Variants in HAS1 observed in about 807,000 individuals in gnomAD.
HAS1 encodes the protein HA synthase 1.
A neutral mutation model predicts 35.0 loss-of-function variants in HAS1; 27 were observed. The ratio of observed to expected loss-of-function variants is 0.77; its 90% CI spans 0.57 to 1.06. The LOEUF is 1.06. Among genes scored for constraint, HAS1 ranks in the 50% least tolerant of loss-of-function variants. The probability of loss-of-function intolerance (pLI) is 0.00; values close to 1 mark genes in which losing one functional copy is unlikely to be tolerated. For missense variants in HAS1, 940 were observed against 814.8 expected (o/e 1.15, Z -1.87); for synonymous variants, 409 against 371.2 (o/e 1.10, Z -1.17).
intron 1 of HAS1, among the ~76,000 whole-genome samples, chr19:51,723,280 C>T (rs2083642889): frequency 6.6e-6 from 1 of 152,192 alleles, no homozygotes; most frequent in African/African-American, 2.4e-5. Context: ...CCTGCAGACA[C>T]ACACCCCTCA....
rs781516429 is a variant in HAS1, at chr19:51,717,142, G to A, written c.751C>T (p.Arg251Trp). The A allele has an allele frequency of 1.2e-5, 19 of 1,613,842 alleles. No individual in the cohort carries two copies. The East Asian group carries it at 1.6e-4, about 13-fold the overall frequency. ...LDPMALLELV[R>W]VLDEDPRVGA... ...ACCCGGGGGTCCTCGTCCAGTACCC[G>A]CACGAGCTCCAGCAGTGCCATGGGG... The change falls in exon 3 of 5, where the codon CGG becomes TGG. Residue 251 changes from arginine to tryptophan, a missense_variant. Coordinates refer to ENST00000540069, the MANE Select transcript of HAS1 (RefSeq NM_001297436.2).
intron 2 of HAS1, 81 bp downstream of exon 2, chr19:51,719,125 T>C (rs1209124008): frequency 3.7e-6 from 3 of 803,978 alleles, no homozygotes; most frequent in Non-Finnish European, 5.9e-6. Flanking sequence ...GTCATTCAAA[T>C]CTGTACATTG....
Position 51,719,446 on chromosome 19 carries a change from G to C in HAS1, c.459C>G (p.Asp153Glu). 1 of 1,552,608 alleles carries C rather than the reference G, an allele frequency of 6.4e-7. No homozygotes were observed. The highest frequency in any genetic ancestry group is 8.7e-7 in the Non-Finnish European group (1 of 1,147,468). Reference sequence around the variant, plus strand: ...CCCACACGTACGTGGCGGGGTCCTCGTCAGCGAAGACCTCGCGGAACATGT... The same window carrying C: ...CCCACACGTACGTGGCGGGGTCCTCCTCAGCGAAGACCTCGCGGAACATGT... ...MVDMFREVFADEDPATYVWDG... is the reference protein window; with the variant it reads ...MVDMFREVFAEEDPATYVWDG... The change falls in exon 2 of 5, where the codon GAC becomes GAG. Residue 153 changes from aspartate to glutamate, a missense_variant. Coordinates refer to ENST00000540069, the MANE Select transcript of HAS1 (RefSeq NM_001297436.2).
rs764850348 is a variant in HAS1, at chr19:51,719,901, G to T, written c.10-6C>A. On this transcript the variant is annotated splice_region_variant and splice_polypyrimidine_tract_variant and intron_variant, in intron 1 of 4. Coordinates refer to ENST00000540069, the MANE Select transcript of HAS1 (RefSeq NM_001297436.2). ...GGAGTGGGCTTGGGCGCGTCCTGCTGGGAGCGAGAGGGGAAAGGAAGGGGC... is the reference window on the plus strand; with the variant it reads ...GGAGTGGGCTTGGGCGCGTCCTGCTTGGAGCGAGAGGGGAAAGGAAGGGGC... 11 of 1,522,786 alleles carry T rather than the reference G, an allele frequency of 7.2e-6. No individual in the cohort carries two copies. In the South Asian group the frequency reaches 1.3e-4, roughly 18 times the overall value. 94.3% of individuals were successfully genotyped at this position (1,522,786 alleles called of 1,614,324 possible).
chr19:51,718,746 A>C (rs969813451), intron 2 of HAS1, among the ~76,000 whole-genome samples: 13 of 152,314 alleles, frequency 8.5e-5, no homozygotes, highest in Non-Finnish European at 1.8e-4. Context: ...CATGTTGGCC[A>C]GGCTAGTCTA....
At chr19:51,716,717 G>A (rs947991549) in intron 3 of HAS1, among the ~76,000 whole-genome samples, 2 of 151,690 alleles carry the variant, frequency 1.3e-5, no homozygotes, top group East Asian at 3.9e-4. Flanking sequence ...TTGACTCCAA[G>A]CCTATCCCAT....
Position 51,713,284 on chromosome 19 carries a change from A to G in HAS1, c.*143T>C, listed in dbSNP as rs74328293. On this transcript the variant is annotated 3_prime_UTR_variant, in exon 5 of 5. Transcript: ENST00000540069. The surrounding 1 kb of genome is among the most constrained non-coding windows in gnomAD (Gnocchi z 4.5). ...CCAGTCCCAATATAGTCCAGACTGA[A>G]GAATCTTGGGCTGACCCCCTCGTTT... 6.2e-3 allele frequency: 4,652 copies of G among 747,306 alleles called. 167 individuals carry two copies. The African/African-American group carries it at 0.076, about 12-fold the overall frequency. 46.3% of individuals were successfully genotyped at this position (747,306 alleles called of 1,614,324 possible).
At chr19:51,722,458 A>G (rs1177611163) in intron 1 of HAS1, among the ~76,000 whole-genome samples, 2 of 152,324 alleles carry the variant, frequency 1.3e-5, no homozygotes, top group Non-Finnish European at 2.9e-5. Flanking sequence ...AGAAAGTAAA[A>G]TAGCTCATTA....
chr19:51,719,500 G>C lies in HAS1; in HGVS notation c.405C>G (p.Gly135=). The C allele has an allele frequency of 6.5e-7, 1 of 1,550,244 alleles. No homozygotes were observed. The highest frequency in any genetic ancestry group is 8.7e-7 in the Non-Finnish European group (1 of 1,146,572). Residue 135 remains glycine, a synonymous_variant, in exon 2 of 5, where the codon GGC becomes GGG. Transcript: ENST00000540069. The part of the protein sequence containing the change: ...ARLRVLMVVD[G]NRAEDLYMVD... ...CCATGTAGAGGTCCTCGGCGCGGTT[G>C]CCATCCACCACCATGAGGACGCGCA...
Position 51,713,863 on chromosome 19 carries a change from ACCCACAGCAGCG to A in HAS1, c.1286_1297del (p.Ala429_Trp432del), listed in dbSNP as rs1240172229. 1.2e-5 allele frequency: 19 copies of A among 1,606,728 alleles called. No homozygotes were observed. The East Asian group carries it at 4.2e-4, about 36-fold the overall frequency. The stretch of plus-strand genomic sequence containing the variant: ...TGCCACGCCCTGCACGCACAGCAGC[ACCCACAGCAGCG>A]CCCAAGGGCGGCCCGCGTAGAACAG... On this transcript the variant is annotated inframe_deletion, in exon 5 of 5. Coordinates refer to ENST00000540069, the MANE Select transcript of HAS1 (RefSeq NM_001297436.2). The surrounding 1 kb of genome is among the most constrained non-coding windows in gnomAD (Gnocchi z 4.5).
chr19:51,716,522 A>C (rs1169449796), intron 3 of HAS1, 134 bp from the exon 4 acceptor site: 3 of 721,912 alleles, frequency 4.2e-6, no homozygotes, highest in Non-Finnish European at 6.8e-6. Flanking sequence ...TCTCAGCACT[A>C]TCTCCAATCC....
chr19:51,723,034 T>A (rs1457433859), intron 1 of HAS1, among the ~76,000 whole-genome samples: 1 of 152,198 alleles, frequency 6.6e-6, no homozygotes, highest in African/African-American at 2.4e-5. Context: ...TTCCTTTGCT[T>A]CAAACCTGGC....
intron 1 of HAS1, among the ~76,000 whole-genome samples, chr19:51,720,676 T>C (rs1027665438): frequency 3.5e-5 from 5 of 142,682 alleles, no homozygotes; most frequent in Non-Finnish European, 6.2e-5. Flanking sequence ...AAAAAAACAA[T>C]TAGAGGAGGG....
intron 4 of HAS1, among the ~76,000 whole-genome samples, chr19:51,714,371 T>TAA (rs1362311153): frequency 9.4e-5 from 3 of 31,888 alleles, no homozygotes; most frequent in African/African-American, 4.9e-4. Context: ...CCATCTCTAC[T>TAA]AAATAAATAA....
At position 51,719,853 on chromosome 19, in the gene HAS1, G is replaced by A. The variant is rs772235489; in HGVS notation, c.52C>T (p.Leu18=). The A allele has an allele frequency of 1.3e-6, 2 of 1,547,812 alleles. No homozygotes were observed. The highest frequency in any genetic ancestry group is 1.7e-6 in the Non-Finnish European group (2 of 1,150,480). Residue 18 remains leucine (L), a synonymous_variant, in exon 2 of 5, where the codon CTG becomes TTG. Coordinates refer to ENST00000540069, the MANE Select transcript of HAS1 (RefSeq NM_001297436.2). ...PTPAACRCSG[L]ARRVLTIAFA... ...GCGATGGTCAGCACCCTCCGGGCCA[G>A]GCCGGAGCAGCGGCAGGCTGCAGGA... is the stretch of plus-strand genomic sequence containing the variant.
At chr19:51,721,024 C>T (rs1182220985) in intron 1 of HAS1, among the ~76,000 whole-genome samples, 1 of 152,194 alleles carries the variant, frequency 6.6e-6, no homozygotes, top group Non-Finnish European at 1.5e-5. Flanking sequence ...TTATTTTAAT[C>T]TTTACAACAG....
chr19:51,723,808 A>G, intron 1 of HAS1, 117 bp downstream of exon 1: 1 of 993,616 alleles, frequency 1.0e-6, no homozygotes, highest in East Asian at 2.7e-5. Context: ...ATGGATACAC[A>G]CATGAAATCA....
Position 51,713,951 on chromosome 19 carries a change from C to T in HAS1, c.1210G>A (p.Ala404Thr). The T allele has an allele frequency of 6.2e-7, 1 of 1,611,540 alleles. No homozygotes were observed. The highest frequency in any genetic ancestry group is 8.5e-7 in the Non-Finnish European group (1 of 1,180,020). The change falls in exon 5 of 5, where the codon GCG (alanine) becomes ACG (threonine). Residue 404 changes from alanine (A) to threonine (T), a missense_variant. By Grantham distance (58) the Ala-to-Thr change is moderately conservative (BLOSUM62 0). Transcript: ENST00000540069. This position sits in a 1 kb window ranked among gnomAD's most constrained non-coding sequence, Gnocchi z 4.5. ...HRHHAWMTYE[A>T]VVSGLFPFFV... Reference sequence around the variant, plus strand: ...AAGGGGAACAGGCCGGAGACCACCGCCTCGTAGGTCATCCACGCATGGTGC... The same window carrying T: ...AAGGGGAACAGGCCGGAGACCACCGTCTCGTAGGTCATCCACGCATGGTGC...
intron 1 of HAS1, 68 bp downstream of exon 1, chr19:51,723,857 G>A: frequency 7.3e-7 from 1 of 1,370,044 alleles, no homozygotes; most frequent in Non-Finnish European, 9.8e-7. Context: ...TCACACATAT[G>A]GCAGTAGTTT....
Sources: gnomAD v4.1 joint callset for allele counts (sites outside exome capture counted in the v4.1 genomes callset) on GRCh38, gnomAD v4.1.1 for gene constraint, Gnocchi (gnomAD v3.1) non-coding constraint, MANE v1.5 for transcripts, NCBI Gene and HGNC (gene_info 2026-07-23, HGNC 2026-07-21) for gene names.